The following ENTREP2 variants were observed in gnomAD, a reference collection of about 807,000 sequenced individuals.
ENTREP2 encodes the protein protein ENTREP2.
the ENTREP2 span, among the ~76,000 whole-genome samples, chr15:29,656,696 C>G: frequency 6.6e-6 from 1 of 152,164 alleles, no homozygotes; most frequent in Non-Finnish European, 1.5e-5. Context: ...CCTGACACCA[C>G]CAAATGCTCG....
At chr15:29,248,280 G>C in the ENTREP2 span, among the ~76,000 whole-genome samples, 1 of 152,110 alleles carries the variant, frequency 6.6e-6, no homozygotes, top group East Asian at 1.9e-4. Flanking sequence ...TATTGGGGTA[G>C]CATAATCTTG....
chr15:29,531,481 C>A, the ENTREP2 span, among the ~76,000 whole-genome samples: 17 of 152,216 alleles, frequency 1.1e-4, no homozygotes, highest in Admixed American at 4.6e-4. Context: ...TGAAACTGGG[C>A]AGAACATGAA....
chr15:29,448,534 C>G, the ENTREP2 span, among the ~76,000 whole-genome samples: 1 of 152,170 alleles, frequency 6.6e-6, no homozygotes. Context: ...CTACAGTGTC[C>G]TAGTACTGAA....
At chr15:29,550,763 T>C in the ENTREP2 span, among the ~76,000 whole-genome samples, 1 of 152,210 alleles carries the variant, frequency 6.6e-6, no homozygotes, top group African/African-American at 2.4e-5. Flanking sequence ...GTGTCATTTA[T>C]CTTCTTTGAA....
the ENTREP2 span, among the ~76,000 whole-genome samples, chr15:29,341,437 A>C: frequency 6.6e-6 from 1 of 152,356 alleles, no homozygotes; most frequent in South Asian, 2.1e-4. Flanking sequence ...CCAGGGTGCT[A>C]CGGGCACATT....
chr15:29,541,152 A>G, the ENTREP2 span, among the ~76,000 whole-genome samples: 1 of 152,138 alleles, frequency 6.6e-6, no homozygotes, highest in African/African-American at 2.4e-5. Flanking sequence ...TATGTCAGGC[A>G]TTTGGACATA....
At chr15:29,461,436 G>A in the ENTREP2 span, among the ~76,000 whole-genome samples, 1 of 152,076 alleles carries the variant, frequency 6.6e-6, no homozygotes, top group Non-Finnish European at 1.5e-5. Flanking sequence ...TTTTTATTAT[G>A]ATAAAATACA....
the ENTREP2 span, among the ~76,000 whole-genome samples, chr15:29,522,575 T>A: frequency 6.6e-6 from 1 of 152,034 alleles, no homozygotes; most frequent in African/African-American, 2.4e-5. Context: ...TAAGAACAGG[T>A]GAGCTTTGTG....
the ENTREP2 span, among the ~76,000 whole-genome samples, chr15:29,221,050 C>T: frequency 1.3e-5 from 2 of 152,194 alleles, no homozygotes; most frequent in South Asian, 4.1e-4. Context: ...TGGGAATCTG[C>T]GATGCCAGTT....
the ENTREP2 span, chr15:29,122,431 C>A: frequency 6.6e-6 from 1 of 152,142 alleles, no homozygotes; most frequent in African/African-American, 2.4e-5. Context: ...GTCAAAGGGA[C>A]CTGCTTTATC....
At chr15:29,157,054 G>A in the ENTREP2 span, among the ~76,000 whole-genome samples, 2 of 152,192 alleles carry the variant, frequency 1.3e-5, no homozygotes, top group Non-Finnish European at 2.9e-5. Flanking sequence ...CCGAGATCAT[G>A]CCATTGTATT....
chr15:29,467,654 A>G, the ENTREP2 span, among the ~76,000 whole-genome samples: 1 of 152,124 alleles, frequency 6.6e-6, no homozygotes, highest in Non-Finnish European at 1.5e-5. Context: ...AAACTACCAC[A>G]TCCCCCTGCT....
chr15:29,647,824 G>GA, the ENTREP2 span, among the ~76,000 whole-genome samples: 1 of 152,154 alleles, frequency 6.6e-6, no homozygotes, highest in Non-Finnish European at 1.5e-5. Flanking sequence ...AGCCTCAAAG[G>GA]AAAAATGACC....
At chr15:29,463,577 TCAATGTGGC>T in the ENTREP2 span, among the ~76,000 whole-genome samples, 1 of 152,088 alleles carries the variant, frequency 6.6e-6, no homozygotes. Flanking sequence ...CAAGGAACTA[TCAATGTGGC>T]AAGTTTTTGA....
chr15:29,540,498 T>C, the ENTREP2 span, among the ~76,000 whole-genome samples: 1 of 152,216 alleles, frequency 6.6e-6, no homozygotes, highest in Non-Finnish European at 1.5e-5. Flanking sequence ...AAACTCTTCT[T>C]AGGCATCACA....
the ENTREP2 span, among the ~76,000 whole-genome samples, chr15:29,435,870 T>A: frequency 6.6e-6 from 1 of 152,096 alleles, no homozygotes; most frequent in African/African-American, 2.4e-5. Flanking sequence ...AAGACCTCCA[T>A]CCTGGGAAGT....
chr15:29,132,416 C>T, the ENTREP2 span, among the ~76,000 whole-genome samples: 2 of 152,338 alleles, frequency 1.3e-5, no homozygotes, highest in Admixed American at 6.5e-5. Context: ...CTAGCGGCCC[C>T]TTCATCACCA....
At chr15:29,152,375 C>T in the ENTREP2 span, among the ~76,000 whole-genome samples, 1 of 152,094 alleles carries the variant, frequency 6.6e-6, no homozygotes, top group Non-Finnish European at 1.5e-5. Context: ...CACACGGGTC[C>T]CCCCAGTGTT....
the ENTREP2 span, among the ~76,000 whole-genome samples, chr15:29,510,640 C>A: frequency 0.023 from 3,465 of 151,840 alleles, 151 homozygotes; most frequent in African/African-American, 0.08. Flanking sequence ...CCCATCTCTA[C>A]TAAAGATACC....
Sources: allele counts gnomAD v4.1 joint callset (sites outside exome capture counted in the v4.1 genomes callset), GRCh38; gene constraint gnomAD v4.1.1; transcripts MANE v1.5; gene names NCBI Gene and HGNC (gene_info 2026-07-23, HGNC 2026-07-21).